PRLR: variants seen among roughly 807,000 people sequenced by gnomAD.
PRLR encodes the protein hPRL receptor.
In PRLR, 13 loss-of-function variants were observed where a neutral mutation model predicts 40.2. The observed-to-expected ratio is 0.32, with a 90% CI of 0.21 to 0.51. The LOEUF (loss-of-function observed/expected upper bound fraction) is 0.51, where lower values mean the gene tolerates loss of function less well. Among genes scored for constraint, PRLR ranks in the 20% least tolerant of loss-of-function variants. The probability of loss-of-function intolerance (pLI) is 0.97; values close to 1 mark genes in which losing one functional copy is unlikely to be tolerated. For missense variants in PRLR, 656 were observed against 747.3 expected (o/e 0.88, Z 1.42); for synonymous variants, 269 against 278.7 (o/e 0.97, Z 0.35).
At chr5:35,117,355 C>T (rs1374530895) in intron 2 of PRLR, among the ~76,000 whole-genome samples, 1 of 152,200 alleles carries the variant, frequency 6.6e-6, no homozygotes, top group Non-Finnish European at 1.5e-5. Context: ...TTCCTGGCTC[C>T]TTAACTTCCT....
intron 1 of PRLR, among the ~76,000 whole-genome samples, chr5:35,204,324 G>C (rs1775957373): frequency 6.6e-6 from 1 of 151,962 alleles, no homozygotes; most frequent in Non-Finnish European, 1.5e-5. Context: ...TGGCCTGAGA[G>C]TATATAATAC....
At chr5:35,103,934 C>A (rs1481790482) in intron 2 of PRLR, among the ~76,000 whole-genome samples, 1 of 152,086 alleles carries the variant, frequency 6.6e-6, no homozygotes, top group African/African-American at 2.4e-5. Flanking sequence ...CTAAAAGATC[C>A]TATTATAATA....
At chr5:35,182,013 A>AT (rs759239722) in intron 1 of PRLR, among the ~76,000 whole-genome samples, 123 of 148,330 alleles carry the variant, frequency 8.3e-4, no homozygotes, top group South Asian at 1.3e-3. Flanking sequence ...TTTGTTGATG[A>AT]TTTTTTTTTT....
chr5:35,183,514 G>A (rs1775346423), intron 1 of PRLR, among the ~76,000 whole-genome samples: 1 of 152,232 alleles, frequency 6.6e-6, no homozygotes, highest in Non-Finnish European at 1.5e-5. Context: ...CTGGCAGCCT[G>A]TGGTATGCCT....
chr5:35,138,041 AG>A (rs887743966), intron 1 of PRLR, among the ~76,000 whole-genome samples: 63 of 152,380 alleles, frequency 4.1e-4, no homozygotes, highest in African/African-American at 1.5e-3. Flanking sequence ...AAGAGAGTAT[AG>A]TTTGGAAAAA....
At chr5:35,222,496 C>G (rs1295786219) in intron 1 of PRLR, among the ~76,000 whole-genome samples, 2 of 152,112 alleles carry the variant, frequency 1.3e-5, no homozygotes, top group African/African-American at 2.4e-5. Context: ...AGTGGATAAA[C>G]TATAAATATG....
At chr5:35,181,491 A>G (rs1294918014) in intron 1 of PRLR, among the ~76,000 whole-genome samples, 1 of 152,222 alleles carries the variant, frequency 6.6e-6, no homozygotes, top group African/African-American at 2.4e-5. Context: ...GTAGATGTCT[A>G]TTAAGTGAGA....
chr5:35,084,766 A>C, intron 4 of PRLR, 127 bp from the exon 5 acceptor site: 1 of 840,872 alleles, frequency 1.2e-6, no homozygotes, highest in Non-Finnish European at 1.8e-6. Flanking sequence ...AGAGCTGACA[A>C]ATGGTTCCTT....
At chr5:35,098,638 C>T (rs1230479342) in intron 2 of PRLR, among the ~76,000 whole-genome samples, 1 of 152,148 alleles carries the variant, frequency 6.6e-6, no homozygotes, top group Non-Finnish European at 1.5e-5. Flanking sequence ...CCATAAAAGT[C>T]ACTACTGTAT....
At chr5:35,171,085 C>G (rs1348443726) in intron 1 of PRLR, among the ~76,000 whole-genome samples, 1 of 149,806 alleles carries the variant, frequency 6.7e-6, no homozygotes, top group Non-Finnish European at 1.5e-5. Context: ...AATTTTACCC[C>G]TATAATTTGT....
intron 4 of PRLR, 21 bp from the exon 5 acceptor site, chr5:35,084,660 G>A: frequency 6.3e-7 from 1 of 1,599,658 alleles, no homozygotes; most frequent in South Asian, 1.1e-5. Flanking sequence ...TAATGTATTA[G>A]GAATGAATAA....
At chr5:35,079,160 C>T (rs1481769219) in intron 5 of PRLR, among the ~76,000 whole-genome samples, 4 of 152,168 alleles carry the variant, frequency 2.6e-5, no homozygotes. Flanking sequence ...GACAGGGATG[C>T]CATCTCTCAC....
At chr5:35,126,067 G>C (rs1313508225) in intron 1 of PRLR, among the ~76,000 whole-genome samples, 1 of 152,084 alleles carries the variant, frequency 6.6e-6, no homozygotes, top group Non-Finnish European at 1.5e-5. Flanking sequence ...AGCTGCACTT[G>C]GCAGAATGAT....
chr5:35,201,439 G>A (rs1775881191), intron 1 of PRLR, among the ~76,000 whole-genome samples: 2 of 152,214 alleles, frequency 1.3e-5, no homozygotes, highest in South Asian at 4.1e-4. Context: ...CTTAAGGCCT[G>A]TTTGGATGTT....
At chr5:35,141,422 G>T (rs1476950516) in intron 1 of PRLR, among the ~76,000 whole-genome samples, 1 of 152,166 alleles carries the variant, frequency 6.6e-6, no homozygotes, top group African/African-American at 2.4e-5. Context: ...TAGAATTTCA[G>T]ATGAGGAGAG....
chr5:35,074,015 T>C (rs532151392), intron 5 of PRLR, among the ~76,000 whole-genome samples: 1 of 152,308 alleles, frequency 6.6e-6, no homozygotes, highest in South Asian at 2.1e-4. Flanking sequence ...AGAGTTGCCA[T>C]ATTGCCCATC....
chr5:35,189,984 C>A (rs988739467), intron 1 of PRLR, among the ~76,000 whole-genome samples: 1 of 152,122 alleles, frequency 6.6e-6, no homozygotes, highest in Admixed American at 6.5e-5. Flanking sequence ...CAGGAGCCTC[C>A]CTGTTTACCC....
At chr5:35,104,359 T>A (rs1772086541) in intron 2 of PRLR, among the ~76,000 whole-genome samples, 1 of 152,116 alleles carries the variant, frequency 6.6e-6, no homozygotes, top group Non-Finnish European at 1.5e-5. Flanking sequence ...ACCGGGTTCA[T>A]CTCACTGGGG....
chr5:35,170,116 T>C (rs1047432205), intron 1 of PRLR, among the ~76,000 whole-genome samples: 3 of 152,250 alleles, frequency 2.0e-5, no homozygotes, highest in Admixed American at 1.3e-4. Context: ...GAACACATTA[T>C]TGTCATCCCA....
Sources: allele counts gnomAD v4.1 joint callset (sites outside exome capture counted in the v4.1 genomes callset), GRCh38; gene constraint gnomAD v4.1.1; transcripts MANE v1.5; gene names NCBI Gene and HGNC (gene_info 2026-07-23, HGNC 2026-07-21).